Variants in CRYBA4 observed in about 807,000 individuals in gnomAD.
CRYBA4 encodes the protein crystallin beta A4, also known as beta-crystallin A4.
Under a neutral mutation model 31.7 loss-of-function variants are expected in CRYBA4, and 30 were observed. The observed-to-expected ratio is 0.95, with a 90% CI of 0.71 to 1.28. CRYBA4 has a LOEUF of 1.28. Among genes scored for constraint, CRYBA4 ranks in the 50% most tolerant of loss-of-function variants. The pLI is 0.00. For synonymous variants in CRYBA4, 102 were observed against 102.3 expected, an observed-to-expected ratio of 1.00 and a Z score of 0.02; for missense variants, 225 against 260.7, an observed-to-expected ratio of 0.86 and a Z score of 0.94.
the CRYBA4 span, among the ~76,000 whole-genome samples, chr22:26,615,251 G>C: frequency 5.3e-5 from 8 of 152,176 alleles, no homozygotes; most frequent in Admixed American, 2.6e-4. Context: ...TGCTCCACAG[G>C]ATGCCTTTCA....
the CRYBA4 span, among the ~76,000 whole-genome samples, chr22:26,593,220 TTTTATCAAAAGCAGGAAGAATA>T: frequency 1.3e-5 from 2 of 151,988 alleles, no homozygotes; most frequent in East Asian, 3.8e-4. Context: ...ACTTAAGAGG[TTTTATCAAAAGCAGGAAGAATA>T]TTTATCAAAA....
At chr22:26,608,435 TG>T in the CRYBA4 span, among the ~76,000 whole-genome samples, 1 of 152,246 alleles carries the variant, frequency 6.6e-6, no homozygotes, top group Non-Finnish European at 1.5e-5. Flanking sequence ...TTGATGTTAA[TG>T]TGCCTTTAAC....
the CRYBA4 span, among the ~76,000 whole-genome samples, chr22:26,603,030 C>T: frequency 3.4e-5 from 5 of 148,290 alleles, no homozygotes; most frequent in Admixed American, 2.1e-4. Flanking sequence ...GAGGCTGAGG[C>T]AGGAGAATGG....
At chr22:26,627,096 C>A (rs1929724109) in intron 4 of CRYBA4, among the ~76,000 whole-genome samples, 1 of 152,184 alleles carries the variant, frequency 6.6e-6, no homozygotes, top group African/African-American at 2.4e-5. Flanking sequence ...CGGGCTGCAA[C>A]AGAAACAATC....
chr22:26,616,050 G>T, the CRYBA4 span: 1 of 1,035,076 alleles, frequency 9.7e-7, no homozygotes, highest in Non-Finnish European at 1.5e-6. Flanking sequence ...AGTAAGAGGT[G>T]AAAGAGGAAG....
At chr22:26,611,567 C>T in the CRYBA4 span, among the ~76,000 whole-genome samples, 5 of 151,744 alleles carry the variant, frequency 3.3e-5, no homozygotes, top group Admixed American at 6.6e-5. Context: ...CTCCGCTTCC[C>T]GGGTTCACGC....
intron 3 of CRYBA4, 40 bp downstream of exon 3, chr22:26,623,392 C>T: frequency 2.0e-6 from 3 of 1,500,844 alleles, no homozygotes; most frequent in Non-Finnish European, 1.9e-6. Flanking sequence ...AGAGGGTGGA[C>T]AGGAAGGGAC....
the CRYBA4 span, chr22:26,596,708 A>C: frequency 1.3e-5 from 2 of 152,228 alleles, no homozygotes; most frequent in Non-Finnish European, 2.9e-5. Flanking sequence ...ACTCCACTGC[A>C]GTAGAATTTT....
chr22:26,628,477 G>C (rs748477171), intron 5 of CRYBA4, 47 bp downstream of exon 5: 1 of 1,609,284 alleles, frequency 6.2e-7, no homozygotes, highest in Non-Finnish European at 8.5e-7. Context: ...GCTACTGGGA[G>C]GGGTAGGTGT....
intron 4 of CRYBA4, 67 bp downstream of exon 4, chr22:26,625,689 G>T: frequency 2.6e-6 from 4 of 1,539,330 alleles, no homozygotes; most frequent in East Asian, 2.3e-5. Flanking sequence ...CGGAATCAAA[G>T]GTTCCAGAGT....
chr22:26,597,266 A>G, the CRYBA4 span, among the ~76,000 whole-genome samples: 11 of 152,282 alleles, frequency 7.2e-5, no homozygotes, highest in South Asian at 6.2e-4. Flanking sequence ...TCCCACCTCA[A>G]TAAGCTTCAC....
At chr22:26,614,961 T>G in the CRYBA4 span, among the ~76,000 whole-genome samples, 2 of 152,104 alleles carry the variant, frequency 1.3e-5, no homozygotes. Context: ...CAGTATTTCC[T>G]GGAGTTGGGG....
At chr22:26,622,059 T>C in intron 1 of CRYBA4, 73 bp downstream of exon 1, 1 of 804,340 alleles carries the variant, frequency 1.2e-6, no homozygotes, top group African/African-American at 1.9e-5. Context: ...GGAACCCAGG[T>C]CCCCAGTCCT....
chr22:26,620,257 G>T (rs1363306279), upstream of CRYBA4, among the ~76,000 whole-genome samples: 1 of 152,098 alleles, frequency 6.6e-6, no homozygotes, highest in Non-Finnish European at 1.5e-5. Context: ...ATTAGCAATG[G>T]TGATGATGAA....
upstream of CRYBA4, among the ~76,000 whole-genome samples, chr22:26,618,357 G>T (rs552485609): frequency 3.3e-4 from 51 of 152,354 alleles, no homozygotes; most frequent in African/African-American, 1.2e-3. Context: ...GGAGACCAGA[G>T]TTTGAATCCT....
At chr22:26,595,049 C>T in the CRYBA4 span, among the ~76,000 whole-genome samples, 9 of 152,210 alleles carry the variant, frequency 5.9e-5, no homozygotes, top group African/African-American at 2.2e-4. Context: ...CACACTCACT[C>T]TCAGCCTTAC....
At chr22:26,623,609 T>C (rs1929611265) in intron 3 of CRYBA4, among the ~76,000 whole-genome samples, 1 of 152,058 alleles carries the variant, frequency 6.6e-6, no homozygotes, top group Non-Finnish European at 1.5e-5. Context: ...TAGAATCCAG[T>C]GTTGGATCTA....
intron 5 of CRYBA4, among the ~76,000 whole-genome samples, chr22:26,629,619 C>G (rs1929858576): frequency 6.6e-6 from 1 of 151,378 alleles, no homozygotes. Context: ...GGCTATGCCT[C>G]TAGTCCCAGC....
rs755291821 is a variant in CRYBA4, at chr22:26,625,583, C to A, written c.261C>A (p.Pro87=). 1 of 1,613,978 alleles carries A rather than the reference C, an allele frequency of 6.2e-7. No individual in the cohort carries two copies. Among genetic ancestry groups the A allele is most frequent in the Non-Finnish European group, 8.5e-7 (1 of 1,179,994 alleles). ...CCTGGGGCGGCAACACGGCCTACCC[C>A]GCCGAGAGGCTCACCTCCTTCCGGC... ...WDAWGGNTAY[P]AERLTSFRPA... is the part of the protein sequence containing the mutation. Residue 87 remains proline (P), a synonymous_variant, in exon 4 of 6, where the codon CCC becomes CCA. Transcript: ENST00000354760.
Sources: allele counts gnomAD v4.1 joint callset (sites outside exome capture counted in the v4.1 genomes callset), GRCh38; gene constraint gnomAD v4.1.1; transcripts MANE v1.5; gene names NCBI Gene and HGNC (gene_info 2026-07-23, HGNC 2026-07-21).